CCDC171: variants seen among roughly 807,000 people sequenced by gnomAD.
The protein encoded by CCDC171 is coiled-coil domain containing 171.
Under a neutral mutation model 168.2 loss-of-function variants are expected in CCDC171, and 177 were observed. The ratio of observed to expected loss-of-function variants is 1.05; its 90% CI spans 0.93 to 1.19. CCDC171 has a LOEUF of 1.19. Among genes scored for constraint, CCDC171 ranks in the 50% most tolerant of loss-of-function variants. CCDC171 has a pLI of 0.00. For synonymous variants in CCDC171, 687 were observed against 540.8 expected (o/e 1.27, Z -3.75); for missense variants, 1,991 against 1,539.0 (o/e 1.29, Z -4.91).
chr9:15,564,339 T>C (rs2039552274), intron 2 of CCDC171, among the ~76,000 whole-genome samples: 1 of 152,230 alleles, frequency 6.6e-6, no homozygotes, highest in Non-Finnish European at 1.5e-5. Flanking sequence ...CCTCTGTTAA[T>C]TTGGACCACA....
chr9:15,798,768 G>A (rs546739976), intron 21 of CCDC171, among the ~76,000 whole-genome samples: 11 of 152,196 alleles, frequency 7.2e-5, no homozygotes, highest in South Asian at 4.1e-4. Context: ...CACAATGCCC[G>A]AAATATTGAC....
At chr9:15,726,140 T>G (rs2053785439) in intron 14 of CCDC171, among the ~76,000 whole-genome samples, 1 of 152,162 alleles carries the variant, frequency 6.6e-6, no homozygotes, top group African/African-American at 2.4e-5. Flanking sequence ...TTTTACAGTC[T>G]GGGATTTAAA....
chr9:15,732,751 C>A (rs1318132613), intron 16 of CCDC171, among the ~76,000 whole-genome samples: 1 of 152,030 alleles, frequency 6.6e-6, no homozygotes, highest in African/African-American at 2.4e-5. Context: ...CTTTAAACAT[C>A]CATGGAAAGG....
Position 15,764,320 on chromosome 9 carries a change from C to G in CCDC171, c.2672-13280C>G, listed in dbSNP as rs1339856965. Among the ~76,000 whole-genome samples the G allele has an allele frequency of 3.3e-5, 5 of 152,328 alleles. No individual in the cohort carries two copies. In the East Asian group the frequency reaches 9.6e-4, roughly 29 times the overall value. ...GATTTAACGTTTTAAAAGATTATCT[C>G]TGACTTCTATCAGTAGTTAAAGGTG... On this transcript the variant is annotated intron_variant, in intron 18 of 25. Transcript: ENST00000380701.
At chr9:15,949,225 G>C (rs889591092) in intron 25 of CCDC171, among the ~76,000 whole-genome samples, 1 of 152,130 alleles carries the variant, frequency 6.6e-6, no homozygotes, top group African/African-American at 2.4e-5. Context: ...GGTTACTGTA[G>C]CCTTGTAGTA....
chr9:15,914,395 C>A (rs1333639705), intron 24 of CCDC171, among the ~76,000 whole-genome samples: 1 of 152,170 alleles, frequency 6.6e-6, no homozygotes, highest in African/African-American at 2.4e-5. Flanking sequence ...CTTTGCTGAA[C>A]TGCAGTGGGC....
At chr9:15,795,900 G>T (rs2058530656) in intron 21 of CCDC171, among the ~76,000 whole-genome samples, 1 of 152,218 alleles carries the variant, frequency 6.6e-6, no homozygotes, top group Non-Finnish European at 1.5e-5. Flanking sequence ...AAATGGTACA[G>T]TCCAGTCACC....
intron 21 of CCDC171, among the ~76,000 whole-genome samples, chr9:15,835,426 A>G (rs183902220): frequency 1.4e-3 from 213 of 152,186 alleles, no homozygotes; most frequent in Non-Finnish European, 2.7e-3. Context: ...AGATTGTATC[A>G]ATTACATTTT....
chr9:15,586,451 G>C (rs948443615), intron 4 of CCDC171, among the ~76,000 whole-genome samples: 1 of 152,194 alleles, frequency 6.6e-6, no homozygotes, highest in African/African-American at 2.4e-5. Context: ...AGGAATAACT[G>C]AGTTAGAGAG....
intron 24 of CCDC171, among the ~76,000 whole-genome samples, chr9:15,904,910 CA>C (rs1175144924): frequency 1.3e-5 from 2 of 151,160 alleles, no homozygotes; most frequent in Admixed American, 6.6e-5. Context: ...CAACAAAGAT[CA>C]AAAGAGACAA....
the CCDC171 span, among the ~76,000 whole-genome samples, chr9:16,098,118 C>A: frequency 6.6e-6 from 1 of 152,174 alleles, no homozygotes; most frequent in Non-Finnish European, 1.5e-5. Context: ...TGAGAACATA[C>A]ACATCACGGT....
intron 1 of CCDC171, among the ~76,000 whole-genome samples, chr9:15,555,952 C>G (rs1022106887): frequency 2.6e-5 from 4 of 152,164 alleles, no homozygotes; most frequent in South Asian, 2.1e-4. Flanking sequence ...TCTGTCCTTG[C>G]GATATTTTGC....
In CCDC171 at chr9:15,679,613, A is replaced by C. The variant is rs902248036; in HGVS notation, c.1215+717A>C. On this transcript the variant is annotated intron_variant, in intron 10 of 25. Transcript: ENST00000380701. ...TGCCCAGGCTAGAGTGCAGTGGTGC[A>C]ACCCTAGCTCACTGAAATCTGCAGC... Among the ~76,000 whole-genome samples the C allele has an allele frequency of 2.0e-5, 3 of 152,096 alleles. No homozygotes were observed. In the South Asian group the frequency reaches 6.2e-4, roughly 32 times the overall value.
chr9:16,042,460 G>A (rs762125209), upstream of CCDC171, among the ~76,000 whole-genome samples: 2 of 152,190 alleles, frequency 1.3e-5, no homozygotes, highest in Non-Finnish European at 2.9e-5. Context: ...AAGGCGTTTT[G>A]CTCCCCAGGG....
chr9:15,985,324 G>C (rs984472285), intron 3 of CCDC171, among the ~76,000 whole-genome samples: 1 of 152,102 alleles, frequency 6.6e-6, no homozygotes, highest in African/African-American at 2.4e-5. Flanking sequence ...ACATTTGCAG[G>C]TATGAACACA....
At position 15,821,207 on chromosome 9, in the gene CCDC171, A is replaced by G. The variant is rs1389205374; in HGVS notation, c.3268-25495A>G. 8.5e-5 allele frequency among the ~76,000 whole-genome samples: 10 copies of G among 117,840 alleles called. 4 individuals are homozygous for G. Among genetic ancestry groups the G allele is most frequent in the Non-Finnish European group, 1.9e-4 (10 of 52,458 alleles). The allele number at this position is 117,840 out of a possible 152,430, so 77.3% of individuals were successfully genotyped here. A position where few individuals can be genotyped will look rare whatever the true frequency, so the allele number is the denominator to read the frequency against. ...TATCTCAAAATAATAAGAGCTATCTATGACAGACCCACACCCAGTATCATA... is the reference window on the plus strand; with the variant it reads ...TATCTCAAAATAATAAGAGCTATCTGTGACAGACCCACACCCAGTATCATA... On this transcript the variant is annotated intron_variant, in intron 21 of 25. Coordinates refer to ENST00000380701, the MANE Select transcript of CCDC171 (RefSeq NM_173550.4).
At chr9:15,947,464 G>T (rs10810494) in intron 25 of CCDC171, among the ~76,000 whole-genome samples, 243 of 151,762 alleles carry the variant, frequency 1.6e-3, no homozygotes, top group Non-Finnish European at 2.5e-3. Flanking sequence ...TTGTCTTTTC[G>T]TGCATGGCCT....
intron 3 of CCDC171, among the ~76,000 whole-genome samples, chr9:15,989,371 CTGTT>C (rs1480424162): frequency 3.3e-5 from 5 of 152,152 alleles, no homozygotes; most frequent in Non-Finnish European, 7.3e-5. Context: ...AGGGTCCTGA[CTGTT>C]AGAAGGAAAA....
At chr9:16,060,196 A>C (rs577140998) in intron 1 of CCDC171, among the ~76,000 whole-genome samples, 1 of 152,336 alleles carries the variant, frequency 6.6e-6, no homozygotes, top group East Asian at 1.9e-4. Context: ...ATTCAGGTCC[A>C]GTTCATGAGA....
Sources: allele counts gnomAD v4.1 joint callset (sites outside exome capture counted in the v4.1 genomes callset), GRCh38; gene constraint gnomAD v4.1.1; transcripts MANE v1.5; gene names NCBI Gene and HGNC (gene_info 2026-07-23, HGNC 2026-07-21).